The following FHIT variants were observed in gnomAD, a reference collection of about 807,000 sequenced individuals.
FHIT encodes fragile histidine triad diadenosine triphosphatase, also known as bis(5'-adenosyl)-triphosphatase.
In FHIT, 19 loss-of-function variants were observed where a neutral mutation model predicts 17.9. The ratio of observed to expected loss-of-function variants is 1.06; its 90% CI spans 0.74 to 1.56. FHIT has a LOEUF of 1.56. Ranked by LOEUF, FHIT falls within the 40% of genes most tolerant of loss-of-function variation. The pLI, the probability that FHIT is intolerant of heterozygous loss-of-function variation, is 0.00. For synonymous variants in FHIT, 81 were observed against 69.7 expected (o/e 1.16, Z -0.81); for missense variants, 248 against 189.2 (o/e 1.31, Z -1.82).
intron 8 of FHIT, among the ~76,000 whole-genome samples, chr3:59,916,404 G>A (rs112481659): frequency 6.6e-6 from 1 of 152,016 alleles, no homozygotes; most frequent in Non-Finnish European, 1.5e-5. Context: ...TTGCTCCTCC[G>A]CTTGCAGATG....
intron 8 of FHIT, among the ~76,000 whole-genome samples, chr3:59,880,659 G>C (rs956787262): frequency 3.9e-5 from 6 of 152,186 alleles, no homozygotes; most frequent in Non-Finnish European, 7.3e-5. Context: ...GCGTTTTGAA[G>C]ACTAAATCAC....
intron 8 of FHIT, among the ~76,000 whole-genome samples, chr3:59,757,366 A>G (rs1464172943): frequency 6.6e-6 from 1 of 152,192 alleles, no homozygotes; most frequent in Non-Finnish European, 1.5e-5. Flanking sequence ...ATCTGCTAGA[A>G]ATGGTTTTTG....
chr3:60,875,756 T>C (rs1381165424), intron 3 of FHIT, among the ~76,000 whole-genome samples: 1 of 152,138 alleles, frequency 6.6e-6, no homozygotes, highest in Non-Finnish European at 1.5e-5. Flanking sequence ...ATTATGATCA[T>C]TATCTCTACT....
intron 3 of FHIT, among the ~76,000 whole-genome samples, chr3:60,876,446 C>A (rs1297352885): frequency 6.6e-6 from 1 of 152,086 alleles, no homozygotes; most frequent in African/African-American, 2.4e-5. Context: ...CTTTATGAGT[C>A]TAGTATATTT....
intron 8 of FHIT, among the ~76,000 whole-genome samples, chr3:59,912,916 C>T (rs574155685): frequency 6.6e-6 from 1 of 152,104 alleles, no homozygotes; most frequent in African/African-American, 2.4e-5. Flanking sequence ...CACTATAGGG[C>T]AAGCAAAAGT....
At chr3:60,538,158 G>C (rs1055933999) in intron 4 of FHIT, among the ~76,000 whole-genome samples, 50 of 152,134 alleles carry the variant, frequency 3.3e-4, no homozygotes, top group African/African-American at 1.2e-3. Context: ...AGACAACAGA[G>C]AGCAAACTCA....
At chr3:60,519,309 G>A (rs554325685) in intron 5 of FHIT, among the ~76,000 whole-genome samples, 17 of 152,192 alleles carry the variant, frequency 1.1e-4, no homozygotes, top group South Asian at 8.3e-4. Flanking sequence ...TAAACAAAAC[G>A]TTTATTTAGT....
chr3:60,387,889 G>A (rs1701073040), intron 5 of FHIT, among the ~76,000 whole-genome samples: 1 of 152,258 alleles, frequency 6.6e-6, no homozygotes, highest in South Asian at 2.1e-4. Flanking sequence ...GGATCCCACA[G>A]AGATGGTTTG....
intron 5 of FHIT, among the ~76,000 whole-genome samples, chr3:60,026,646 C>G (rs896073271): frequency 1.3e-5 from 2 of 151,888 alleles, no homozygotes; most frequent in African/African-American, 2.4e-5. Context: ...AATATGGTTG[C>G]TAACAATAAA....
intron 1 of FHIT, among the ~76,000 whole-genome samples, chr3:61,219,339 GT>G (rs2039773836): frequency 6.8e-6 from 1 of 146,494 alleles, no homozygotes; most frequent in Non-Finnish European, 1.5e-5. Flanking sequence ...GTGTGTGTGT[GT>G]GTGTGTGTGT....
intron 7 of FHIT, among the ~76,000 whole-genome samples, chr3:59,958,370 T>C (rs1707505498): frequency 6.6e-6 from 1 of 152,128 alleles, no homozygotes; most frequent in Non-Finnish European, 1.5e-5. Context: ...ATAAAAAAAA[T>C]CACCAAGTTG....
At chr3:59,902,520 C>A (rs1178811034) in intron 8 of FHIT, among the ~76,000 whole-genome samples, 2 of 151,882 alleles carry the variant, frequency 1.3e-5, no homozygotes, top group Non-Finnish European at 2.9e-5. Context: ...TTATTCAAAA[C>A]CACCAAGACA....
chr3:60,623,020 A>T (rs569162696), intron 4 of FHIT, among the ~76,000 whole-genome samples: 1 of 152,176 alleles, frequency 6.6e-6, no homozygotes, highest in Non-Finnish European at 1.5e-5. Context: ...GTGCAAACAT[A>T]ATCAGCCTTT....
chr3:60,583,503 G>A (rs553892993), intron 4 of FHIT, among the ~76,000 whole-genome samples: 31 of 152,144 alleles, frequency 2.0e-4, no homozygotes, highest in African/African-American at 6.7e-4. Flanking sequence ...CAGACGATAT[G>A]AACAAAAAGG....
intron 5 of FHIT, among the ~76,000 whole-genome samples, chr3:60,483,374 G>C (rs935654874): frequency 6.6e-6 from 1 of 151,844 alleles, no homozygotes; most frequent in Non-Finnish European, 1.5e-5. Context: ...GAGACACAGT[G>C]AAAAAAGAAA....
intron 2 of FHIT, among the ~76,000 whole-genome samples, chr3:61,132,767 GAA>G (rs1251066269): frequency 6.6e-6 from 1 of 152,180 alleles, no homozygotes. Flanking sequence ...GCCAAAATTT[GAA>G]AAGTCTTTGA....
chr3:60,451,265 C>G (rs11715794), intron 5 of FHIT, among the ~76,000 whole-genome samples: 72 of 152,020 alleles, frequency 4.7e-4, no homozygotes, highest in Non-Finnish European at 8.1e-4. Context: ...GGGAAACGTC[C>G]TAAGCCACGA....
At chr3:60,529,628 T>C (rs554629947) in intron 5 of FHIT, among the ~76,000 whole-genome samples, 1 of 152,344 alleles carries the variant, frequency 6.6e-6, no homozygotes, top group East Asian at 1.9e-4. Flanking sequence ...CCTTAAAATC[T>C]GATGACTTGC....
chr3:60,100,981 T>C (rs1704167055), intron 5 of FHIT, among the ~76,000 whole-genome samples: 1 of 152,146 alleles, frequency 6.6e-6, no homozygotes, highest in South Asian at 2.1e-4. Flanking sequence ...ACAGCTCTAA[T>C]TCTTGTTGAC....
Sources: gnomAD v4.1 joint callset for allele counts (sites outside exome capture counted in the v4.1 genomes callset) on GRCh38, gnomAD v4.1.1 for gene constraint, MANE v1.5 for transcripts, NCBI Gene and HGNC (gene_info 2026-07-23, HGNC 2026-07-21) for gene names.